MAML3: variants seen among roughly 807,000 people sequenced by gnomAD.
MAML3 encodes mastermind like transcriptional coactivator 3.
Under a neutral mutation model 101.9 loss-of-function variants are expected in MAML3, and 27 were observed. The observed-to-expected ratio is 0.27, with a 90% CI of 0.20 to 0.37. MAML3 has a LOEUF of 0.37. MAML3 is among the 10% of genes least tolerant of loss of function. The pLI, the probability that MAML3 is intolerant of heterozygous loss-of-function variation, is 1.00. For missense variants in MAML3, 1,316 were observed against 1,444.9 expected, an observed-to-expected ratio of 0.91 and a Z score of 1.45; for synonymous variants, 501 against 555.9, an observed-to-expected ratio of 0.90 and a Z score of 1.39.
intron 2 of MAML3, among the ~76,000 whole-genome samples, chr4:139,818,254 A>C (rs865822704): frequency 6.6e-6 from 1 of 152,186 alleles, no homozygotes. Flanking sequence ...AGACATGCTC[A>C]TGGCTGTCTA....
chr4:139,833,916 TG>T, intron 2 of MAML3, among the ~76,000 whole-genome samples: 1 of 151,524 alleles, frequency 6.6e-6, no homozygotes, highest in East Asian at 2.0e-4. Flanking sequence ...GTGCTTAGGC[TG>T]GGGGTGGGGC....
At chr4:139,896,231 C>T (rs1189595928) in intron 1 of MAML3, among the ~76,000 whole-genome samples, 1 of 152,106 alleles carries the variant, frequency 6.6e-6, no homozygotes, top group African/African-American at 2.4e-5. Context: ...GGGAAATGTC[C>T]CTGTGACTTT....
chr4:139,897,678 C>G (rs562906897), intron 1 of MAML3, among the ~76,000 whole-genome samples: 1 of 152,320 alleles, frequency 6.6e-6, no homozygotes, highest in South Asian at 2.1e-4. Context: ...CCAACCCATT[C>G]TCTGCATCGT....
intron 2 of MAML3, among the ~76,000 whole-genome samples, chr4:139,860,473 A>G (rs1164477465): frequency 1.3e-5 from 2 of 152,264 alleles, no homozygotes; most frequent in Non-Finnish European, 2.9e-5. Context: ...TCCCTCTCTT[A>G]TATTTTCTCT....
At chr4:139,864,694 A>G (rs1459081606) in intron 2 of MAML3, among the ~76,000 whole-genome samples, 21 of 150,044 alleles carry the variant, frequency 1.4e-4, no homozygotes, top group East Asian at 9.7e-4. Flanking sequence ...AAAAAAAAAA[A>G]AAAAAGAAAA....
chr4:140,151,998 C>G (rs561054536), intron 1 of MAML3, among the ~76,000 whole-genome samples: 1 of 152,206 alleles, frequency 6.6e-6, no homozygotes, highest in African/African-American at 2.4e-5. Flanking sequence ...TCCGTGCACG[C>G]AAGTTTAAAA....
At chr4:139,859,883 A>T (rs1448676699) in intron 2 of MAML3, among the ~76,000 whole-genome samples, 3 of 152,036 alleles carry the variant, frequency 2.0e-5, no homozygotes, top group African/African-American at 4.8e-5. Flanking sequence ...ACGTGTAAAG[A>T]TTTTTTTTAG....
intron 1 of MAML3, among the ~76,000 whole-genome samples, chr4:140,073,018 A>C (rs1288492618): frequency 6.6e-6 from 1 of 152,152 alleles, no homozygotes; most frequent in African/African-American, 2.4e-5. Context: ...ACCAACAGAA[A>C]GTGTGTTTGT....
chr4:140,150,767 C>A (rs1037703569), intron 1 of MAML3, among the ~76,000 whole-genome samples: 1 of 151,954 alleles, frequency 6.6e-6, no homozygotes, highest in Non-Finnish European at 1.5e-5. Context: ...GGGGCGGGGG[C>A]TGGGAGAGAA....
intron 2 of MAML3, among the ~76,000 whole-genome samples, chr4:139,757,401 G>A (rs1162869520): frequency 6.6e-6 from 1 of 152,054 alleles, no homozygotes; most frequent in East Asian, 1.9e-4. Context: ...TGTAATCCCA[G>A]CACTTTGGGA....
chr4:139,831,290 A>T (rs1731159205), intron 2 of MAML3, among the ~76,000 whole-genome samples: 1 of 152,210 alleles, frequency 6.6e-6, no homozygotes, highest in Non-Finnish European at 1.5e-5. Flanking sequence ...TAAACTTTTA[A>T]TGATTTTTAA....
intron 1 of MAML3, among the ~76,000 whole-genome samples, chr4:140,086,568 A>C (rs974711791): frequency 6.6e-6 from 1 of 152,208 alleles, no homozygotes; most frequent in African/African-American, 2.4e-5. Flanking sequence ...TCAGCTCAAG[A>C]TCTTACAGGT....
intron 2 of MAML3, chr4:139,740,097 G>A (rs998582150): frequency 6.6e-6 from 1 of 152,120 alleles, no homozygotes. Flanking sequence ...GCCACAAAGA[G>A]CTCCTAAGTC....
At chr4:139,928,876 T>A (rs1352722060) in intron 1 of MAML3, among the ~76,000 whole-genome samples, 1 of 152,108 alleles carries the variant, frequency 6.6e-6, no homozygotes, top group Admixed American at 6.5e-5. Context: ...ACAGAGAAGA[T>A]CTTTGGAGGA....
intron 1 of MAML3, among the ~76,000 whole-genome samples, chr4:140,081,563 T>C (rs1013861669): frequency 6.6e-6 from 1 of 152,184 alleles, no homozygotes; most frequent in Non-Finnish European, 1.5e-5. Context: ...AGCACTGGGA[T>C]TGGCTGAGCT....
At chr4:139,746,403 G>A (rs1729321473) in intron 2 of MAML3, among the ~76,000 whole-genome samples, 1 of 152,070 alleles carries the variant, frequency 6.6e-6, no homozygotes, top group Non-Finnish European at 1.5e-5. Context: ...CTTGGAGACT[G>A]AGTGTCTTCT....
chr4:139,845,820 G>A (rs1170334913), intron 2 of MAML3, among the ~76,000 whole-genome samples: 1 of 152,100 alleles, frequency 6.6e-6, no homozygotes, highest in Non-Finnish European at 1.5e-5. Flanking sequence ...AAATACATAG[G>A]TCATTTTCAA....
chr4:139,792,889 C>T (rs879758674), intron 2 of MAML3, among the ~76,000 whole-genome samples: 5 of 151,906 alleles, frequency 3.3e-5, no homozygotes, highest in African/African-American at 4.8e-5. Context: ...GGACTATAGG[C>T]GCCCACCACC....
intron 1 of MAML3, among the ~76,000 whole-genome samples, chr4:139,966,927 C>T (rs13119079): frequency 0.38 from 58,080 of 151,822 alleles, 12,234 homozygotes; most frequent in East Asian, 0.62. Context: ...ACATCAAGAA[C>T]TAAAAAAGAG....
Sources: gnomAD v4.1 joint callset for allele counts (sites outside exome capture counted in the v4.1 genomes callset) on GRCh38, gnomAD v4.1.1 for gene constraint, MANE v1.5 for transcripts, NCBI Gene and HGNC (gene_info 2026-07-23, HGNC 2026-07-21) for gene names.